The following CACNA1B variants were observed in gnomAD, a reference collection of about 807,000 sequenced individuals.
CACNA1B encodes the protein calcium voltage-gated channel subunit alpha1 B, also known as voltage-dependent N-type calcium channel subunit alpha-1B.
Under a neutral mutation model 247.2 loss-of-function variants are expected in CACNA1B, and 70 were observed. That is an observed-to-expected ratio of 0.28 (90% CI 0.23 to 0.35). The LOEUF (loss-of-function observed/expected upper bound fraction) is 0.35. Ranked by LOEUF, CACNA1B falls within the 10% of genes least tolerant of loss-of-function variation. The pLI is 1.00. For synonymous variants in CACNA1B, 1,231 were observed against 1,294.4 expected (o/e 0.95, Z 1.05); for missense variants, 2,367 against 3,197.4 (o/e 0.74, Z 6.26).
chr9:137,952,142 G>C lies in CACNA1B; in HGVS notation c.967-132G>C. Reference sequence around the variant, plus strand: ...CCCATGCTTGGACCTCCCTGTGACTGGCCTCCCCACTGCCTGGACCCTACC... The same window carrying C: ...CCCATGCTTGGACCTCCCTGTGACTCGCCTCCCCACTGCCTGGACCCTACC... On this transcript the variant is annotated intron_variant, in intron 6 of 46. Coordinates refer to ENST00000371372, the MANE Select transcript of CACNA1B (RefSeq NM_000718.4). The surrounding 1 kb of genome is among the most constrained non-coding windows in gnomAD (Gnocchi z 4.8). The C allele has an allele frequency of 2.9e-6, 2 of 680,776 alleles. No individual in the cohort carries two copies. The highest frequency in any genetic ancestry group is 5.3e-6 in the Non-Finnish European group (2 of 377,264). The allele number at this position is 680,776 out of a possible 1,614,324, so 42.2% of individuals were successfully genotyped here. A position where few individuals can be genotyped will look rare whatever the true frequency, so the allele number is the denominator to read the frequency against.
chr9:138,030,403 A>G (rs1246252041), intron 20 of CACNA1B, among the ~76,000 whole-genome samples: 2 of 152,010 alleles, frequency 1.3e-5, no homozygotes, highest in Non-Finnish European at 2.9e-5. Flanking sequence ...ATTTATTTTC[A>G]AATATTAAAC....
In CACNA1B at chr9:138,124,423, TAAAAAA is replaced by T. The variant is rs60582824; in HGVS notation, c.*2433_*2438del. On this transcript the variant is annotated 3_prime_UTR_variant, in exon 47 of 47. Transcript: ENST00000371372. ...GCAAAACTTTATATTTAAGAAGTGT[TAAAAAA>T]AAAAAAAAGTCCCAACCATGCAACA... 1 of 141,036 alleles carries T rather than the reference TAAAAAA, an allele frequency of 7.1e-6. No individual in the cohort carries two copies. Among genetic ancestry groups the T allele is most frequent in the African/African-American group, 2.6e-5 (1 of 39,068 alleles). The allele number at this position is 141,036 out of a possible 1,614,324, so 8.7% of individuals were successfully genotyped here. A position where few individuals can be genotyped will look rare whatever the true frequency, so the allele number is the denominator to read the frequency against.
At chr9:137,906,484 GT>G (rs1035034465) in intron 3 of CACNA1B, among the ~76,000 whole-genome samples, 14 of 152,132 alleles carry the variant, frequency 9.2e-5, no homozygotes, top group African/African-American at 3.4e-4. Context: ...CGTGTGTTGT[GT>G]TATTGAACAT....
intron 20 of CACNA1B, among the ~76,000 whole-genome samples, chr9:138,033,385 A>G (rs1959007511): frequency 6.6e-6 from 1 of 151,800 alleles, no homozygotes; most frequent in African/African-American, 2.4e-5. Flanking sequence ...CATCTGTATC[A>G]TCTTGGTGTC....
intron 35 of CACNA1B, among the ~76,000 whole-genome samples, chr9:138,076,804 A>G (rs1245266015): frequency 6.6e-6 from 1 of 152,192 alleles, no homozygotes; most frequent in Non-Finnish European, 1.5e-5. Flanking sequence ...GGGCTGCTGT[A>G]CAGCCCACCC....
rs1440765296 is a variant in CACNA1B, at chr9:138,051,922, A to T, written c.3711-170A>T. 6.6e-6 allele frequency among the ~76,000 whole-genome samples: 1 copy of T among 152,092 alleles called. No homozygotes were observed. Among genetic ancestry groups the T allele is most frequent in the Non-Finnish European group, 1.5e-5 (1 of 68,006 alleles). ...GGCCAGGCAGCCCCTGGGAAGAGTC[A>T]TGGTGGCCTGTGGCACCTGCAGGGC... On this transcript the variant is annotated intron_variant, in intron 24 of 46. Transcript: ENST00000371372. This position sits in a 1 kb window ranked among gnomAD's most constrained non-coding sequence, Gnocchi z 4.3.
intron 36 of CACNA1B, among the ~76,000 whole-genome samples, chr9:138,078,614 C>T (rs566426848): frequency 3.9e-5 from 6 of 152,040 alleles, no homozygotes; most frequent in African/African-American, 7.2e-5. Flanking sequence ...GTGGGGAGGT[C>T]GGCAGGGCAG....
intron 15 of CACNA1B, among the ~76,000 whole-genome samples, chr9:137,993,480 A>T (rs1958459471): frequency 6.6e-6 from 1 of 152,146 alleles, no homozygotes; most frequent in Non-Finnish European, 1.5e-5. Flanking sequence ...GAAGATCCAA[A>T]TATAAGCTCA....
intron 22 of CACNA1B, 33 bp downstream of exon 22, chr9:138,047,066 G>C: frequency 6.3e-7 from 1 of 1,580,998 alleles, no homozygotes; most frequent in Non-Finnish European, 8.6e-7. Context: ...TCCCCGCCAG[G>C]CTGTGGCGGG....
chr9:138,112,506 G>A lies in CACNA1B; in HGVS notation c.5536+1G>A, dbSNP rs752588118. The A allele has an allele frequency of 7.0e-6, 11 of 1,581,274 alleles. No individual in the cohort carries two copies. Among genetic ancestry groups the A allele is most frequent in the Admixed American group, 1.7e-5 (1 of 59,962 alleles). On this transcript the variant is annotated splice_donor_variant, in intron 40 of 46. Transcript: ENST00000371372. LOFTEE classifies it high-confidence loss of function. ...GACTTGCTGGTACCACCCCATAAGC[G>A]TAAGTGTGAGGGTGAGAAATGCCCC...
rs140048580 is a variant in CACNA1B, at chr9:137,931,031, C to T, written c.966+13600C>T. On this transcript the variant is annotated intron_variant, in intron 6 of 46. Coordinates refer to ENST00000371372, the MANE Select transcript of CACNA1B (RefSeq NM_000718.4). ...GATGGTGTGCAATCTCAGCTCATTG[C>T]AGCCTCACCCTTCCACACTGAAGGA... Among the ~76,000 whole-genome samples the T allele has an allele frequency of 3.7e-3, 567 of 152,230 alleles. 5 individuals are homozygous for T. The highest frequency in any genetic ancestry group is 0.013 in the African/African-American group (546 of 41,534).
At chr9:137,967,382 G>A (rs1359130129) in intron 10 of CACNA1B, among the ~76,000 whole-genome samples, 1 of 151,972 alleles carries the variant, frequency 6.6e-6, no homozygotes, top group Admixed American at 6.6e-5. Context: ...CTTGACTGTC[G>A]CCCGTCCCTT....
intron 15 of CACNA1B, among the ~76,000 whole-genome samples, chr9:138,002,794 T>G (rs1958594789): frequency 6.6e-6 from 1 of 151,528 alleles, no homozygotes; most frequent in Non-Finnish European, 1.5e-5. Flanking sequence ...TCTTTTCTTT[T>G]TTCTTTTCTT....
chr9:138,032,314 C>T (rs1958996999), intron 20 of CACNA1B, among the ~76,000 whole-genome samples: 1 of 151,982 alleles, frequency 6.6e-6, no homozygotes. Flanking sequence ...TTTCCTCTTC[C>T]ATTTGTAATG....
chr9:137,934,894 A>G (rs562633829), intron 6 of CACNA1B, among the ~76,000 whole-genome samples: 4 of 152,184 alleles, frequency 2.6e-5, no homozygotes, highest in Non-Finnish European at 5.9e-5. Flanking sequence ...CAGAAAACCA[A>G]CTCTGACAAT....
At chr9:138,067,611 A>G (rs1959965217) in intron 31 of CACNA1B, among the ~76,000 whole-genome samples, 1 of 152,256 alleles carries the variant, frequency 6.6e-6, no homozygotes, top group Admixed American at 6.5e-5. Flanking sequence ...AGGCACAAGA[A>G]TCGCTTGAAC....
Position 138,121,379 on chromosome 9 carries a change from A to C in CACNA1B, c.6490-90A>C, listed in dbSNP as rs1962091943. On this transcript the variant is annotated intron_variant, in intron 46 of 46. Coordinates refer to ENST00000371372, the MANE Select transcript of CACNA1B (RefSeq NM_000718.4). The surrounding 1 kb of genome is among the most constrained non-coding windows in gnomAD (Gnocchi z 6.8). ...CCTCCCTCTCTCCTCCCATCCCCCC[A>C]GGCACCTGTGTGTGATGTGCTCTGT... 1.0e-5 allele frequency: 10 copies of C among 1,002,958 alleles called. No individual in the cohort carries two copies. Among genetic ancestry groups the C allele is most frequent in the South Asian group, 3.7e-5 (2 of 54,318 alleles). 62.1% of individuals were successfully genotyped at this position (1,002,958 alleles called of 1,614,324 possible).
chr9:138,020,351 G>A lies in CACNA1B; in HGVS notation c.2268-2660G>A, dbSNP rs1958829211. 6.6e-6 allele frequency among the ~76,000 whole-genome samples: 1 copy of A among 152,184 alleles called. No homozygotes were observed. Among genetic ancestry groups the A allele is most frequent in the Non-Finnish European group, 1.5e-5 (1 of 68,028 alleles). On this transcript the variant is annotated intron_variant, in intron 18 of 46. Transcript: ENST00000371372. The surrounding 1 kb of genome is among the most constrained non-coding windows in gnomAD (Gnocchi z 4.1). Reference sequence around the variant, plus strand: ...GGACACAGGGGTGCCAGTCGTCCATGTGACTTCCTTAAAGAACCCTTTTAA... The same window carrying A: ...GGACACAGGGGTGCCAGTCGTCCATATGACTTCCTTAAAGAACCCTTTTAA...
chr9:138,107,840 C>G (rs910909184), intron 39 of CACNA1B, among the ~76,000 whole-genome samples: 1 of 152,000 alleles, frequency 6.6e-6, no homozygotes, highest in African/African-American at 2.4e-5. Context: ...AAAAAATTAG[C>G]CGGGCATGGT....
Sources: gnomAD v4.1 joint callset for allele counts (sites outside exome capture counted in the v4.1 genomes callset) on GRCh38, gnomAD v4.1.1 for gene constraint, Gnocchi (gnomAD v3.1) non-coding constraint, MANE v1.5 for transcripts, NCBI Gene and HGNC (gene_info 2026-07-23, HGNC 2026-07-21) for gene names.